The following CA10 variants were observed in gnomAD, a reference collection of about 807,000 sequenced individuals.
CA10 encodes the protein carbonic anhydrase-related protein 10.
A neutral mutation model predicts 44.2 loss-of-function variants in CA10; 14 were observed. That is an observed-to-expected ratio of 0.32 (90% CI 0.21 to 0.50). The LOEUF (loss-of-function observed/expected upper bound fraction) is 0.50. CA10 is among the 20% of genes least tolerant of loss of function. CA10 has a pLI of 0.99. For missense variants in CA10, 350 were observed against 409.7 expected (o/e 0.85, Z 1.26); for synonymous variants, 159 against 141.6 (o/e 1.12, Z -0.87).
chr17:51,932,473 T>A (rs1248026643), intron 2 of CA10, among the ~76,000 whole-genome samples: 1 of 152,074 alleles, frequency 6.6e-6, no homozygotes, highest in Non-Finnish European at 1.5e-5. Context: ...GTAACAGACA[T>A]GGGAGGAGAA....
intron 3 of CA10, among the ~76,000 whole-genome samples, chr17:51,900,653 G>T (rs754349489): frequency 3.9e-5 from 6 of 152,110 alleles, no homozygotes; most frequent in Non-Finnish European, 7.4e-5. Context: ...CTCTCTTTCA[G>T]GGATGCCAGT....
At chr17:52,070,815 A>C (rs1987660782) in intron 2 of CA10, among the ~76,000 whole-genome samples, 1 of 152,032 alleles carries the variant, frequency 6.6e-6, no homozygotes, top group South Asian at 2.1e-4. Context: ...TGAGGCAGAC[A>C]CACAACATTT....
chr17:52,006,852 T>C (rs946873711), intron 2 of CA10, among the ~76,000 whole-genome samples: 3 of 151,782 alleles, frequency 2.0e-5, no homozygotes, highest in Non-Finnish European at 4.4e-5. Flanking sequence ...AGTTGATTAA[T>C]CTGAGATTAA....
intron 2 of CA10, among the ~76,000 whole-genome samples, chr17:51,946,000 T>C (rs1170480172): frequency 6.6e-6 from 1 of 152,154 alleles, no homozygotes; most frequent in African/African-American, 2.4e-5. Context: ...AATCTTGTCA[T>C]TTGGGACAAC....
chr17:52,157,526 A>ACCCCCCCC (rs1480637933), intron 1 of CA10, among the ~76,000 whole-genome samples, 200 bp downstream of exon 1: 1 of 111,796 alleles, frequency 8.9e-6, no homozygotes, highest in Non-Finnish European at 1.8e-5. Context: ...ACAGATCCTA[A>ACCCCCCCC]CCACCCCCCC....
chr17:51,819,914 C>G (rs1567850132), intron 3 of CA10, among the ~76,000 whole-genome samples: 1 of 152,130 alleles, frequency 6.6e-6, no homozygotes, highest in Non-Finnish European at 1.5e-5. Flanking sequence ...CTGTCTCTGT[C>G]TGCCTGTTCC....
At chr17:51,751,110 A>G (rs2143614056) in intron 3 of CA10, among the ~76,000 whole-genome samples, 1 of 152,326 alleles carries the variant, frequency 6.6e-6, no homozygotes, top group East Asian at 1.9e-4. Flanking sequence ...GGCAGACAAA[A>G]AAGCTATAAG....
chr17:51,839,785 A>T (rs1189164924), intron 3 of CA10, among the ~76,000 whole-genome samples: 1 of 152,214 alleles, frequency 6.6e-6, no homozygotes, highest in Admixed American at 6.5e-5. Context: ...TTTGGAAGAG[A>T]TGCAAATATA....
intron 4 of CA10, among the ~76,000 whole-genome samples, chr17:51,679,297 T>TCGCC (rs1914746298): frequency 6.6e-6 from 1 of 151,354 alleles, no homozygotes; most frequent in Non-Finnish European, 1.5e-5. Flanking sequence ...TCTCGCTCTG[T>TCGCC]CACCCAGGCT....
chr17:52,025,781 T>G (rs1638371765), intron 2 of CA10, among the ~76,000 whole-genome samples: 1 of 152,082 alleles, frequency 6.6e-6, no homozygotes, highest in Admixed American at 6.6e-5. Context: ...TAGGCAACTT[T>G]GTTGATACAA....
intron 3 of CA10, among the ~76,000 whole-genome samples, chr17:51,919,687 T>C (rs1982149780): frequency 6.6e-6 from 1 of 152,198 alleles, no homozygotes; most frequent in Non-Finnish European, 1.5e-5. Flanking sequence ...AGTCTCACTT[T>C]GTCGCCCAGG....
chr17:51,890,300 C>G (rs1426435810), intron 3 of CA10, among the ~76,000 whole-genome samples: 1 of 152,102 alleles, frequency 6.6e-6, no homozygotes, highest in Non-Finnish European at 1.5e-5. Context: ...AGACTTCAGA[C>G]CATGACATCT....
At chr17:51,812,857 A>AAAGAG (rs1907425008) in intron 3 of CA10, among the ~76,000 whole-genome samples, 2 of 152,190 alleles carry the variant, frequency 1.3e-5, no homozygotes, top group African/African-American at 4.8e-5. Context: ...GCACTCTTGG[A>AAAGAG]GTACTGATGA....
At chr17:52,078,899 C>G (rs556904401) in intron 1 of CA10, among the ~76,000 whole-genome samples, 1 of 152,310 alleles carries the variant, frequency 6.6e-6, no homozygotes, top group East Asian at 1.9e-4. Context: ...TACATTCTAA[C>G]ATTTAGATAG....
intron 4 of CA10, among the ~76,000 whole-genome samples, chr17:51,663,040 A>T (rs1330323923): frequency 1.3e-5 from 2 of 152,134 alleles, no homozygotes; most frequent in Non-Finnish European, 2.9e-5. Flanking sequence ...CCCTCTGATT[A>T]TTTCTTTATG....
chr17:51,968,089 G>A (rs1387940450), intron 2 of CA10, among the ~76,000 whole-genome samples: 2 of 151,810 alleles, frequency 1.3e-5, no homozygotes, highest in African/African-American at 2.4e-5. Context: ...CGGAGCAAGA[G>A]AAACTCTAAC....
At chr17:52,093,065 T>G (rs1204130630) in intron 1 of CA10, among the ~76,000 whole-genome samples, 2 of 152,150 alleles carry the variant, frequency 1.3e-5, no homozygotes, top group African/African-American at 4.8e-5. Context: ...ATATGTTGTT[T>G]CACTTAAAGT....
At chr17:51,973,123 C>G (rs890808638) in intron 2 of CA10, among the ~76,000 whole-genome samples, 37 of 152,194 alleles carry the variant, frequency 2.4e-4, no homozygotes, top group Non-Finnish European at 3.2e-4. Context: ...CCAGATCAAA[C>G]TTCCTGCCAT....
chr17:52,104,217 T>G (rs576582683), intron 1 of CA10, among the ~76,000 whole-genome samples: 3 of 150,192 alleles, frequency 2.0e-5, no homozygotes, highest in African/African-American at 4.9e-5. Flanking sequence ...TCTGAGACAG[T>G]GTCTGGTTCT....
Sources: allele counts gnomAD v4.1 joint callset (sites outside exome capture counted in the v4.1 genomes callset), GRCh38; gene constraint gnomAD v4.1.1; transcripts MANE v1.5; gene names NCBI Gene and HGNC (gene_info 2026-07-23, HGNC 2026-07-21).